Variants in EML6 observed in about 807,000 individuals in gnomAD.
EML6 encodes the protein EMAP like 6, also known as echinoderm microtubule-associated protein-like 6.
EML6 carries 154 observed loss-of-function variants against 240.1 expected under a neutral mutation model. The ratio of observed to expected loss-of-function variants is 0.64; its 90% CI spans 0.56 to 0.73. The LOEUF is 0.73. EML6 is among the 30% of genes least tolerant of loss of function. The pLI is 0.00. For synonymous variants in EML6, 1,148 were observed against 899.0 expected (o/e 1.28, Z -4.95); for missense variants, 2,964 against 2,474.6 (o/e 1.20, Z -4.20).
At chr2:54,769,507 C>G (rs928089800) in intron 2 of EML6, among the ~76,000 whole-genome samples, 2 of 152,116 alleles carry the variant, frequency 1.3e-5, no homozygotes, top group African/African-American at 4.8e-5. Flanking sequence ...TTAAAATATC[C>G]TCACCCCCAG....
rs113095890 is a variant in EML6, at chr2:54,916,583, G to T, written c.3499-176G>T. 3.6e-3 allele frequency among the ~76,000 whole-genome samples: 548 copies of T among 152,310 alleles called. 8 individuals are homozygous for T. Among genetic ancestry groups the T allele is most frequent in the African/African-American group, 0.012 (513 of 41,564 alleles). The stretch of plus-strand genomic sequence containing the variant: ...GTATTTGACTGCAGTGTTGGCTTCT[G>T]AAGACAATGCAAATAACCACTTTAA... On this transcript the variant is annotated intron_variant, in intron 25 of 41. Coordinates refer to ENST00000356458, the MANE Select transcript of EML6 (RefSeq NM_001039753.4).
At chr2:54,957,391 A>C (rs1403054296) in intron 32 of EML6, among the ~76,000 whole-genome samples, 1 of 143,634 alleles carries the variant, frequency 7.0e-6, no homozygotes. Context: ...GAGGAATGTG[A>C]GTCCCAGTGG....
At chr2:54,962,999 A>G (rs1272712244) in intron 36 of EML6, among the ~76,000 whole-genome samples, 2 of 152,210 alleles carry the variant, frequency 1.3e-5, no homozygotes, top group Non-Finnish European at 2.9e-5. Flanking sequence ...TTAAAATGTG[A>G]AATGTTCTGA....
chr2:54,856,176 A>G (rs143934335), intron 11 of EML6, among the ~76,000 whole-genome samples: 89 of 152,330 alleles, frequency 5.8e-4, no homozygotes, highest in Non-Finnish European at 1.1e-3. Context: ...TCATTTTGAC[A>G]GTTTTCACAT....
chr2:54,773,447 C>T (rs1378571760), intron 2 of EML6, among the ~76,000 whole-genome samples: 1 of 152,254 alleles, frequency 6.6e-6, no homozygotes, highest in Non-Finnish European at 1.5e-5. Context: ...CCAGTCTTCC[C>T]CTCCTGGGCC....
intron 32 of EML6, 40 bp downstream of exon 32, chr2:54,954,196 G>T (rs1676122707): frequency 6.6e-7 from 1 of 1,524,562 alleles, no homozygotes; most frequent in East Asian, 2.5e-5. Flanking sequence ...CAGGGTGTCT[G>T]CCTGTGGGTG....
intron 38 of EML6, 157 bp from the exon 39 acceptor site, chr2:54,966,843 G>A: frequency 1.9e-6 from 1 of 518,926 alleles, no homozygotes; most frequent in South Asian, 2.7e-5. Context: ...TGTTGTCATG[G>A]GCTGGCCATA....
intron 17 of EML6, among the ~76,000 whole-genome samples, chr2:54,883,196 T>C (rs1217988224): frequency 6.6e-6 from 1 of 152,178 alleles, no homozygotes; most frequent in Non-Finnish European, 1.5e-5. Flanking sequence ...CATTTTAGCA[T>C]ATATCTTTTA....
chr2:54,964,453 T>C, intron 37 of EML6, 118 bp from the exon 38 acceptor site: 1 of 916,068 alleles, frequency 1.1e-6, no homozygotes, highest in Middle Eastern at 3.2e-4. Context: ...CACATGTGAG[T>C]CACAAGGTGG....
At chr2:54,938,416 C>G (rs186773434) in intron 28 of EML6, among the ~76,000 whole-genome samples, 1 of 152,188 alleles carries the variant, frequency 6.6e-6, no homozygotes, top group Non-Finnish European at 1.5e-5. Context: ...GTTAGGGCTT[C>G]CCAAGTCCCT....
At chr2:54,950,865 C>A in intron 30 of EML6, 86 bp downstream of exon 30, 2 of 1,378,076 alleles carry the variant, frequency 1.5e-6, no homozygotes, top group Non-Finnish European at 2.0e-6. Flanking sequence ...AAAGCTTAAG[C>A]ATTTTCCTTC....
chr2:54,736,881 C>A (rs527996653), intron 2 of EML6, among the ~76,000 whole-genome samples: 1 of 152,270 alleles, frequency 6.6e-6, no homozygotes, highest in South Asian at 2.1e-4. Context: ...AGGAAACAGA[C>A]CAATGCAAAT....
intron 2 of EML6, among the ~76,000 whole-genome samples, chr2:54,782,636 G>C (rs1013149875): frequency 1.3e-5 from 2 of 149,802 alleles, no homozygotes; most frequent in Non-Finnish European, 3.0e-5. Flanking sequence ...ATCATAAAGG[G>C]TTATAAGTAT....
At chr2:54,795,244 G>C (rs1031601602) in intron 2 of EML6, among the ~76,000 whole-genome samples, 3 of 152,140 alleles carry the variant, frequency 2.0e-5, no homozygotes, top group African/African-American at 7.2e-5. Flanking sequence ...AGAAAACTTA[G>C]AATCATGGCA....
chr2:54,891,292 A>G, intron 18 of EML6, 138 bp downstream of exon 18: 1 of 506,940 alleles, frequency 2.0e-6, no homozygotes, highest in Non-Finnish European at 3.6e-6. Context: ...ATTATCTCCC[A>G]AGTTCGCTTA....
chr2:54,837,508 C>T (rs1572977591), intron 7 of EML6, among the ~76,000 whole-genome samples: 1 of 152,164 alleles, frequency 6.6e-6, no homozygotes, highest in East Asian at 1.9e-4. Flanking sequence ...TCCTTACTGC[C>T]CACCTGCAGG....
chr2:54,817,385 G>T (rs1474037648), intron 4 of EML6, among the ~76,000 whole-genome samples: 1 of 152,152 alleles, frequency 6.6e-6, no homozygotes, highest in Non-Finnish European at 1.5e-5. Flanking sequence ...GGGGATGAAG[G>T]GGGTATATAC....
intron 7 of EML6, among the ~76,000 whole-genome samples, chr2:54,841,586 CTTTT>C (rs3038252): frequency 2.4e-4 from 28 of 118,916 alleles, no homozygotes; most frequent in Non-Finnish European, 3.4e-5. Context: ...TTTGTCTTGG[CTTTT>C]TTTTTTTTTT....
chr2:54,833,606 G>A (rs1390238430), intron 7 of EML6, among the ~76,000 whole-genome samples: 2 of 152,138 alleles, frequency 1.3e-5, no homozygotes, highest in Non-Finnish European at 2.9e-5. Context: ...GATTCTCAGG[G>A]CTCCCTCCCT....
Sources: gnomAD v4.1 joint callset for allele counts (sites outside exome capture counted in the v4.1 genomes callset) on GRCh38, gnomAD v4.1.1 for gene constraint, MANE v1.5 for transcripts, NCBI Gene and HGNC (gene_info 2026-07-23, HGNC 2026-07-21) for gene names.